CDH12: variants seen among roughly 807,000 people sequenced by gnomAD.
CDH12 encodes the protein cadherin 12.
A neutral mutation model predicts 74.1 loss-of-function variants in CDH12; 41 were observed. The observed-to-expected ratio is 0.55, with a 90% CI of 0.43 to 0.72. The LOEUF (loss-of-function observed/expected upper bound fraction) is 0.72, where lower values mean the gene tolerates loss of function less well. Ranked by LOEUF, CDH12 falls within the 30% of genes least tolerant of loss-of-function variation. The pLI, the probability that CDH12 is intolerant of heterozygous loss-of-function variation, is 0.00. For synonymous variants in CDH12, 399 were observed against 355.0 expected (o/e 1.12, Z -1.39); for missense variants, 945 against 977.2 (o/e 0.97, Z 0.44).
chr5:22,600,775 G>T (rs910101933), intron 1 of CDH12, among the ~76,000 whole-genome samples: 1 of 151,800 alleles, frequency 6.6e-6, no homozygotes, highest in Non-Finnish European at 1.5e-5. Context: ...TAATCGAATG[G>T]AATAAGCTGA....
chr5:21,916,975 C>T (rs1184851841), intron 6 of CDH12, among the ~76,000 whole-genome samples: 2 of 152,168 alleles, frequency 1.3e-5, no homozygotes, highest in Non-Finnish European at 2.9e-5. Flanking sequence ...AGACTAGCAC[C>T]TGGCTCTTAG....
chr5:22,390,970 G>A (rs1302927495), intron 3 of CDH12, among the ~76,000 whole-genome samples: 2 of 152,164 alleles, frequency 1.3e-5, no homozygotes, highest in Non-Finnish European at 2.9e-5. Flanking sequence ...CATTAGATCT[G>A]CTTTGGTTGG....
At chr5:22,423,669 A>G (rs919710846) in intron 2 of CDH12, among the ~76,000 whole-genome samples, 1 of 152,148 alleles carries the variant, frequency 6.6e-6, no homozygotes, top group African/African-American at 2.4e-5. Context: ...CCCAAACTTC[A>G]AGCCTGATGC....
rs543514790 is a variant in CDH12 at position 22,744,401 on chromosome 5, C to G, written c.-523+108657G>C. ...CTGAGATTGCGCCACTGCACTCCAG[C>G]CTGGGCGACAGAGTGAGACTCCGTC... On this transcript the variant is annotated intron_variant, in intron 1 of 14. Coordinates refer to ENST00000382254, the MANE Select transcript of CDH12 (RefSeq NM_004061.5). 5.9e-5 allele frequency among the ~76,000 whole-genome samples: 9 copies of G among 151,710 alleles called. No individual in the cohort carries two copies. The South Asian group carries it at 1.5e-3, about 25-fold the overall frequency.
chr5:22,691,592 T>G (rs1215449213), intron 1 of CDH12, among the ~76,000 whole-genome samples: 1 of 152,220 alleles, frequency 6.6e-6, no homozygotes, highest in Non-Finnish European at 1.5e-5. Context: ...TCACAAATCT[T>G]TCCTCAAATC....
intron 5 of CDH12, among the ~76,000 whole-genome samples, chr5:22,021,882 C>T (rs756246718): frequency 1.3e-5 from 2 of 152,162 alleles, no homozygotes; most frequent in Admixed American, 6.5e-5. Context: ...CTGTCACCCA[C>T]GCTGAAGCGC....
At chr5:22,773,324 G>C (rs1354541587) in intron 1 of CDH12, among the ~76,000 whole-genome samples, 3 of 151,988 alleles carry the variant, frequency 2.0e-5, no homozygotes, top group Non-Finnish European at 4.4e-5. Flanking sequence ...CAATGGAACA[G>C]AATAGACTGC....
intron 3 of CDH12, among the ~76,000 whole-genome samples, chr5:22,227,305 G>T (rs1474578692): frequency 6.6e-6 from 1 of 151,984 alleles, no homozygotes; most frequent in Non-Finnish European, 1.5e-5. Context: ...GTGGAAGGGG[G>T]TCACTAGATA....
intron 5 of CDH12, among the ~76,000 whole-genome samples, chr5:22,054,399 A>C (rs2150197585): frequency 6.6e-6 from 1 of 152,234 alleles, no homozygotes; most frequent in East Asian, 1.9e-4. Context: ...AAAACTTTTA[A>C]CTGGACACCT....
At chr5:22,450,643 A>T (rs1414104399) in intron 2 of CDH12, among the ~76,000 whole-genome samples, 1 of 151,822 alleles carries the variant, frequency 6.6e-6, no homozygotes, top group African/African-American at 2.4e-5. Context: ...CTTTCCCCTT[A>T]TTGCCCAGCA....
At chr5:22,299,078 T>A (rs986659148) in intron 3 of CDH12, among the ~76,000 whole-genome samples, 4 of 152,132 alleles carry the variant, frequency 2.6e-5, no homozygotes, top group African/African-American at 9.7e-5. Context: ...GAATGTGAGA[T>A]TTAAACAATG....
At chr5:22,191,260 G>A (rs1299971298) in intron 4 of CDH12, among the ~76,000 whole-genome samples, 1 of 151,924 alleles carries the variant, frequency 6.6e-6, no homozygotes, top group Admixed American at 6.6e-5. Context: ...TGTCCCTCTA[G>A]ACCAAGCCAA....
intron 4 of CDH12, among the ~76,000 whole-genome samples, chr5:22,118,766 CTCTT>C (rs1745322026): frequency 6.6e-6 from 1 of 152,092 alleles, no homozygotes; most frequent in South Asian, 2.1e-4. Flanking sequence ...TCTTCTTTCT[CTCTT>C]CACCATTTTC....
At chr5:22,187,662 AAAG>A (rs1440848456) in intron 4 of CDH12, among the ~76,000 whole-genome samples, 27 of 143,602 alleles carry the variant, frequency 1.9e-4, no homozygotes, top group African/African-American at 5.0e-4. Flanking sequence ...AGGAAAAAAA[AAAG>A]AAAGAAAGAA....
At chr5:22,615,994 G>A (rs568624395) in intron 1 of CDH12, among the ~76,000 whole-genome samples, 2 of 152,112 alleles carry the variant, frequency 1.3e-5, no homozygotes, top group African/African-American at 4.8e-5. Flanking sequence ...AAGAAAGATA[G>A]ATCTGCTTCT....
chr5:22,234,525 G>T (rs896924068), intron 3 of CDH12, among the ~76,000 whole-genome samples: 2 of 151,258 alleles, frequency 1.3e-5, no homozygotes, highest in Non-Finnish European at 2.9e-5. Context: ...GGACCTGTAA[G>T]TCCAATTAAA....
chr5:22,518,174 C>T (rs1736888327), intron 1 of CDH12, among the ~76,000 whole-genome samples: 1 of 152,170 alleles, frequency 6.6e-6, no homozygotes, highest in Non-Finnish European at 1.5e-5. Context: ...TACAAGTAGA[C>T]AAGAGGAATT....
At chr5:22,829,336 C>T (rs1012665183) in intron 1 of CDH12, among the ~76,000 whole-genome samples, 6 of 152,160 alleles carry the variant, frequency 3.9e-5, no homozygotes, top group African/African-American at 1.4e-4. Context: ...ATATACTTTA[C>T]AATATCTTGC....
chr5:22,183,589 C>G (rs1456168879), intron 4 of CDH12, among the ~76,000 whole-genome samples: 1 of 151,938 alleles, frequency 6.6e-6, no homozygotes, highest in African/African-American at 2.4e-5. Context: ...TTTAATGAAA[C>G]CAAAAATTTT....
Sources: allele counts gnomAD v4.1 joint callset (sites outside exome capture counted in the v4.1 genomes callset), GRCh38; gene constraint gnomAD v4.1.1; transcripts MANE v1.5; gene names NCBI Gene and HGNC (gene_info 2026-07-23, HGNC 2026-07-21).